Variants in OR2Z1 observed in about 807,000 individuals in gnomAD.
OR2Z1 encodes olfactory receptor family 2 subfamily Z member 1, also known as olfactory receptor 2Z1.
For missense variants in OR2Z1, 449 were observed against 401.8 expected, an observed-to-expected ratio of 1.12 and a Z score of -1.00; for synonymous variants, 188 against 160.6, an observed-to-expected ratio of 1.17 and a Z score of -1.29.
In OR2Z1 at chr19:8,731,602, A is replaced by G. The variant is rs148162899; in HGVS notation, c.574A>G (p.Thr192Ala). ...PALLKLSCAD[T>A]CAYEMALSTS... ...CCTACTGAAGCTCTCCTGTGCAGAT[A>G]CCTGTGCCTACGAGATGGCGCTGTC... is the stretch of plus-strand genomic sequence containing the variant. Residue 192 changes from threonine (T) to alanine (A), a missense_variant, in exon 3 of 3, where the codon ACC becomes GCC. Coordinates refer to ENST00000641125, the MANE Select transcript of OR2Z1 (RefSeq NM_001004699.3). 3 of 1,613,010 alleles carry G rather than the reference A, an allele frequency of 1.9e-6. No individual in the cohort carries two copies. Among genetic ancestry groups the G allele is most frequent in the Non-Finnish European group, 2.5e-6 (3 of 1,179,966 alleles).
At chr19:8,726,600 G>C (rs1351783421) in intron 2 of OR2Z1, among the ~76,000 whole-genome samples, 1 of 152,194 alleles carries the variant, frequency 6.6e-6, no homozygotes, top group Non-Finnish European at 1.5e-5. Context: ...GTTGGTCATT[G>C]GTCTCCTGAT....
chr19:8,729,200 G>T, intron 2 of OR2Z1: 1 of 772,810 alleles, frequency 1.3e-6, no homozygotes, highest in Non-Finnish European at 2.2e-6. Context: ...TGCTTTCGGC[G>T]CCATCTTGTG....
chr19:8,731,918 T>A lies in OR2Z1; in HGVS notation c.890T>A (p.Val297Glu). 1 of 1,614,038 alleles carries A rather than the reference T, an allele frequency of 6.2e-7. No individual in the cohort carries two copies. Among genetic ancestry groups the A allele is most frequent in the Non-Finnish European group, 8.5e-7 (1 of 1,180,008 alleles). Residue 297 changes from valine (V) to glutamate (E), a missense_variant, in exon 3 of 3, where the codon GTG becomes GAG. Transcript: ENST00000641125. ...ATCTACAGTCTGAGGAATCCGGAGG[T>A]GTGGATGGCTTTGGTCAAAGTGCTT... Reference protein sequence around the residue: ...PLIYSLRNPEVWMALVKVLSR... With the variant: ...PLIYSLRNPEEWMALVKVLSR...
In OR2Z1 at chr19:8,721,882, C is replaced by T. The variant is rs2043309265; in HGVS notation, c.-375C>T. 1 of 152,230 alleles carries T rather than the reference C, an allele frequency of 6.6e-6. No individual in the cohort carries two copies. Among genetic ancestry groups the T allele is most frequent in the African/African-American group, 2.4e-5 (1 of 41,452 alleles). The allele number at this position is 152,230 out of a possible 1,614,324, so 9.4% of individuals were successfully genotyped here. On this transcript the variant is annotated 5_prime_UTR_variant, in exon 1 of 3. It introduces an in-frame stop codon into an upstream open reading frame of the 5' UTR. Transcript: ENST00000641125. ...TCTGGAGACTGTGACCATCCTACAA[C>T]AGTGATGCTCTGGAGGAATTCTCAG... is the stretch of plus-strand genomic sequence containing the variant.
chr19:8,727,520 G>A (rs561854177), intron 2 of OR2Z1, among the ~76,000 whole-genome samples: 30 of 152,016 alleles, frequency 2.0e-4, no homozygotes, highest in Non-Finnish European at 3.7e-4. Flanking sequence ...AAACCTGCAC[G>A]TTGTGCACAT....
chr19:8,725,907 T>C (rs1389703296), intron 2 of OR2Z1, among the ~76,000 whole-genome samples: 1 of 152,098 alleles, frequency 6.6e-6, no homozygotes, highest in Admixed American at 6.6e-5. Context: ...TGGTGGAAGA[T>C]GAGGGAGAAG....
chr19:8,721,844 C>T lies in OR2Z1; in HGVS notation c.-413C>T, dbSNP rs540510819. ...CCCATCTGGCATGGGCTGGAAGCACCTTCAGCTCACTTTCTGGAGACTGTG... is the reference window on the plus strand; with the variant it reads ...CCCATCTGGCATGGGCTGGAAGCACTTTCAGCTCACTTTCTGGAGACTGTG... On this transcript the variant is annotated 5_prime_UTR_variant, in exon 1 of 3. Coordinates refer to ENST00000641125, the MANE Select transcript of OR2Z1 (RefSeq NM_001004699.3). The T allele has an allele frequency of 6.6e-6, 1 of 152,354 alleles. No individual in the cohort carries two copies. The highest frequency in any genetic ancestry group is 1.9e-4 in the East Asian group (1 of 5,186). 9.4% of individuals were successfully genotyped at this position (152,354 alleles called of 1,614,324 possible). A position where few individuals can be genotyped will look rare whatever the true frequency, so the allele number is the denominator to read the frequency against.
chr19:8,732,101 CTT>C lies in OR2Z1; in HGVS notation c.*132_*133del, dbSNP rs1463747985. 5 of 690,756 alleles carry C rather than the reference CTT, an allele frequency of 7.2e-6. No individual in the cohort carries two copies. The African/African-American group carries it at 9.0e-5, about 12-fold the overall frequency. The allele number at this position is 690,756 out of a possible 1,614,324, so 42.8% of individuals were successfully genotyped here. On this transcript the variant is annotated 3_prime_UTR_variant, in exon 3 of 3. Transcript: ENST00000641125. The stretch of plus-strand genomic sequence containing the variant: ...TATCCAGCCATTGCCCAAGGTGCAA[CTT>C]TTTGAGAAAATGTCTGCCTTTTAAA...
At position 8,731,676 on chromosome 19, in the gene OR2Z1, C is replaced by A; in HGVS notation, c.648C>A (p.Thr216=). ...TGCTCCCTCTTTCCCTCATCGCCAC[C>A]TCCTACGGCCACGTGTTGCAGGCTG... is the stretch of plus-strand genomic sequence containing the variant. ...ILMLPLSLIA[T]SYGHVLQAVL... is the part of the protein sequence containing the mutation. The change falls in exon 3 of 3, where the codon ACC becomes ACA. Residue 216 remains threonine (T), a synonymous_variant. Coordinates refer to ENST00000641125, the MANE Select transcript of OR2Z1 (RefSeq NM_001004699.3). 1.9e-6 allele frequency: 3 copies of A among 1,614,206 alleles called. No homozygotes were observed. Among genetic ancestry groups the A allele is most frequent in the Non-Finnish European group, 2.5e-6 (3 of 1,180,040 alleles).
At chr19:8,724,362 A>C (rs183461152) in intron 2 of OR2Z1, among the ~76,000 whole-genome samples, 336 of 152,072 alleles carry the variant, frequency 2.2e-3, no homozygotes, top group African/African-American at 7.8e-3. Context: ...TAGCCTCCCA[A>C]GTAGCCGGGA....
At chr19:8,729,216 G>A (rs2043340453) in intron 2 of OR2Z1, 1 of 695,782 alleles carries the variant, frequency 1.4e-6, no homozygotes, top group South Asian at 1.5e-5. Context: ...TTGTGAAAAG[G>A]GCCCAATAGG....
intron 2 of OR2Z1, among the ~76,000 whole-genome samples, chr19:8,726,502 G>C (rs531040199): frequency 2.0e-5 from 3 of 152,336 alleles, no homozygotes; most frequent in East Asian, 1.9e-4. Context: ...ACGTCTTGTA[G>C]TGTCCTTAGC....
At chr19:8,724,004 GT>G (rs2043317431) in intron 2 of OR2Z1, among the ~76,000 whole-genome samples, 1 of 128,392 alleles carries the variant, frequency 7.8e-6, no homozygotes, top group African/African-American at 4.3e-5. Context: ...GTGTGTGTGT[GT>G]GTGTGTATGT....
chr19:8,730,779 G>A (rs782568290), intron 2 of OR2Z1, 81 bp from the exon 3 acceptor site: 37 of 553,036 alleles, frequency 6.7e-5, no homozygotes, highest in Non-Finnish European at 1.0e-4. Context: ...GTGGCCAAGC[G>A]TCTCATTCAG....
rs1232380207 is a variant in OR2Z1, at chr19:8,731,362, G to C, written c.334G>C (p.Gly112Arg). Residue 112 changes from glycine (G) to arginine (R), a missense_variant, in exon 3 of 3, where the codon GGC (glycine) becomes CGC (arginine). Gly to Arg is a moderately radical substitution (Grantham distance 125). Coordinates refer to ENST00000641125, the MANE Select transcript of OR2Z1 (RefSeq NM_001004699.3). ...FFLTLMGVAE[G>R]VLLVLMSYDR... ...CCTCACACTGATGGGTGTGGCTGAG[G>C]GCGTCCTGTTGGTCCTCATGTCTTA... is the stretch of plus-strand genomic sequence containing the variant. 6.2e-7 allele frequency: 1 copy of C among 1,614,050 alleles called. No homozygotes were observed. Among genetic ancestry groups the C allele is most frequent in the South Asian group, 1.1e-5 (1 of 91,066 alleles).
intron 2 of OR2Z1, chr19:8,728,945 G>T: frequency 1.5e-6 from 1 of 676,954 alleles, no homozygotes; most frequent in Non-Finnish European, 2.7e-6. Flanking sequence ...CTATCTTCTT[G>T]ATGGTGGACT....
chr19:8,722,716 T>C (rs1397861757), intron 1 of OR2Z1, among the ~76,000 whole-genome samples: 1 of 151,990 alleles, frequency 6.6e-6, no homozygotes, highest in African/African-American at 2.4e-5. Context: ...GAGATTTCAG[T>C]GGGAAACAGT....
In OR2Z1 at chr19:8,731,726, C is replaced by T; in HGVS notation, c.698C>T (p.Ala233Val). 1 of 1,614,208 alleles carries T rather than the reference C, an allele frequency of 6.2e-7. No individual in the cohort carries two copies. The highest frequency in any genetic ancestry group is 8.5e-7 in the Non-Finnish European group (1 of 1,180,036). ...GTTCTAAGCATGCGCTCAGAGGAGG[C>T]CAGACACAAGGCTGTCACCACCTGC... ...QAVLSMRSEEARHKAVTTCSS... is the reference protein window; with the variant it reads ...QAVLSMRSEEVRHKAVTTCSS... Residue 233 changes from alanine to valine, a missense_variant, in exon 3 of 3, where the codon GCC (alanine) becomes GTC (valine). Coordinates refer to ENST00000641125, the MANE Select transcript of OR2Z1 (RefSeq NM_001004699.3).
intron 2 of OR2Z1, among the ~76,000 whole-genome samples, chr19:8,723,693 C>T (rs1424753657): frequency 1.3e-5 from 2 of 150,858 alleles, no homozygotes; most frequent in Non-Finnish European, 3.0e-5. Flanking sequence ...GGGGCGATGA[C>T]ACTGTTCTAG....
Sources: gnomAD v4.1 joint callset for allele counts (sites outside exome capture counted in the v4.1 genomes callset) on GRCh38, gnomAD v4.1.1 for gene constraint, MANE v1.5 for transcripts, NCBI Gene and HGNC (gene_info 2026-07-23, HGNC 2026-07-21) for gene names.